The following AP3B1 variants were observed in gnomAD, a reference collection of about 807,000 sequenced individuals.
AP3B1 encodes adaptor related protein complex 3 subunit beta 1.
AP3B1 carries 61 observed loss-of-function variants against 132.5 expected under a neutral mutation model. The observed-to-expected ratio is 0.46, with a 90% confidence interval of 0.37 to 0.57. AP3B1 has a LOEUF of 0.57. AP3B1 is among the 20% of genes least tolerant of loss of function. AP3B1 has a pLI of 0.00. For synonymous variants in AP3B1, 388 were observed against 438.3 expected, an observed-to-expected ratio of 0.89 and a Z score of 1.43; for missense variants, 1,120 against 1,289.4, an observed-to-expected ratio of 0.87 and a Z score of 2.01.
At chr5:78,112,033 T>C (rs1341425313) in intron 19 of AP3B1, among the ~76,000 whole-genome samples, 1 of 152,104 alleles carries the variant, frequency 6.6e-6, no homozygotes. Context: ...AAATTTAAAT[T>C]TGGTCATAAA....
At chr5:78,069,422 T>C (rs575620412) in intron 22 of AP3B1, among the ~76,000 whole-genome samples, 2 of 152,166 alleles carry the variant, frequency 1.3e-5, no homozygotes, top group Non-Finnish European at 2.9e-5. Flanking sequence ...ACAAAATCAA[T>C]GTGCAAGAAT....
Position 78,168,137 on chromosome 5 carries a change from A to G in AP3B1, c.1168-2465T>C, listed in dbSNP as rs141632121. 3.0e-3 allele frequency among the ~76,000 whole-genome samples: 459 copies of G among 151,996 alleles called. 4 individuals are homozygous for G. The highest frequency in any genetic ancestry group is 0.011 in the African/African-American group (438 of 41,472). The stretch of plus-strand genomic sequence containing the variant: ...ACAAATCATTTATTCAGACACATGT[A>G]TTAGAAATATTTTTCCCAGATAATC... On this transcript the variant is annotated intron_variant, in intron 11 of 26. Coordinates refer to ENST00000255194, the MANE Select transcript of AP3B1 (RefSeq NM_003664.5).
At chr5:78,164,386 G>A (rs1449988655) in intron 12 of AP3B1, among the ~76,000 whole-genome samples, 1 of 151,998 alleles carries the variant, frequency 6.6e-6, no homozygotes, top group Non-Finnish European at 1.5e-5. Context: ...AACAGGTCTA[G>A]TATGTGCCCT....
At chr5:78,259,190 G>A (rs1285649597) in intron 2 of AP3B1, among the ~76,000 whole-genome samples, 1 of 151,770 alleles carries the variant, frequency 6.6e-6, no homozygotes, top group Admixed American at 6.6e-5. Context: ...GGAGCTTGCA[G>A]TGAGCTGAGA....
intron 6 of AP3B1, among the ~76,000 whole-genome samples, chr5:78,217,626 T>G (rs936255548): frequency 6.6e-6 from 1 of 152,144 alleles, no homozygotes; most frequent in Non-Finnish European, 1.5e-5. Flanking sequence ...TTTGTGATAA[T>G]TACATTTCTA....
chr5:78,259,047 C>T (rs1413496993), intron 2 of AP3B1, among the ~76,000 whole-genome samples: 3 of 151,936 alleles, frequency 2.0e-5, no homozygotes, highest in African/African-American at 7.3e-5. Flanking sequence ...ACCATCCTGG[C>T]TAACACGGTG....
chr5:78,242,753 G>A (rs1747195310), intron 2 of AP3B1, among the ~76,000 whole-genome samples: 1 of 152,044 alleles, frequency 6.6e-6, no homozygotes, highest in African/African-American at 2.4e-5. Flanking sequence ...AATTTCCTGT[G>A]CACTATTTTA....
intron 21 of AP3B1, among the ~76,000 whole-genome samples, chr5:78,099,037 G>C (rs7711152): frequency 0.035 from 5,330 of 152,234 alleles, 314 homozygotes; most frequent in African/African-American, 0.12. Flanking sequence ...GGTTATAGGG[G>C]TTCTACCCTC....
chr5:78,043,849 T>C (rs909106953), intron 22 of AP3B1: 16 of 364,094 alleles, frequency 4.4e-5, no homozygotes, highest in African/African-American at 3.4e-4. Flanking sequence ...CTGACTTTGG[T>C]AGACACAGGC....
At chr5:78,059,733 T>C (rs1219266173) in intron 22 of AP3B1, among the ~76,000 whole-genome samples, 2 of 152,138 alleles carry the variant, frequency 1.3e-5, no homozygotes, top group African/African-American at 4.8e-5. Context: ...TATCTGTAGT[T>C]GCCAGACAGG....
intron 24 of AP3B1, among the ~76,000 whole-genome samples, chr5:78,030,674 T>C (rs1418011887): frequency 2.6e-5 from 4 of 152,208 alleles, no homozygotes; most frequent in Non-Finnish European, 4.4e-5. Context: ...TTGGGGCACA[T>C]GTTCATTCAT....
intron 3 of AP3B1, among the ~76,000 whole-genome samples, chr5:78,234,687 T>C (rs1746797273): frequency 6.6e-6 from 1 of 152,214 alleles, no homozygotes; most frequent in African/African-American, 2.4e-5. Context: ...ACAACAACCA[T>C]TTCTTATTCA....
chr5:78,131,933 A>G (rs1752705800), intron 15 of AP3B1, among the ~76,000 whole-genome samples: 1 of 152,208 alleles, frequency 6.6e-6, no homozygotes, highest in Non-Finnish European at 1.5e-5. Context: ...ACCAATATAC[A>G]GAAGACTCAA....
intron 2 of AP3B1, among the ~76,000 whole-genome samples, chr5:78,249,233 C>G (rs6859228): frequency 0.56 from 84,563 of 151,348 alleles, 23,847 homozygotes; most frequent in Admixed American, 0.59. Flanking sequence ...GGCTGGGGAG[C>G]GGGGGCACCT....
intron 7 of AP3B1, among the ~76,000 whole-genome samples, chr5:78,191,918 T>C (rs1319745923): frequency 6.6e-6 from 1 of 152,150 alleles, no homozygotes; most frequent in Non-Finnish European, 1.5e-5. Context: ...TGGAGTGCAA[T>C]GGCGCGATCT....
chr5:78,193,770 A>ATATATATATATTTTTTTTTTTTT, intron 7 of AP3B1, among the ~76,000 whole-genome samples: 5 of 67,214 alleles, frequency 7.4e-5, no homozygotes, highest in South Asian at 4.1e-4. Context: ...ATATATATAT[A>ATATATATATATTTTTTTTTTTTT]TTTTTTTTTT....
At chr5:78,150,468 C>T (rs771609349) in intron 14 of AP3B1, among the ~76,000 whole-genome samples, 1 of 152,000 alleles carries the variant, frequency 6.6e-6, no homozygotes, top group Non-Finnish European at 1.5e-5. Context: ...CCAACTGTGA[C>T]GGGGAGGGAG....
At chr5:78,101,952 C>T (rs981782894) in intron 20 of AP3B1, among the ~76,000 whole-genome samples, 1 of 151,986 alleles carries the variant, frequency 6.6e-6, no homozygotes, top group Non-Finnish European at 1.5e-5. Context: ...AAAGTTTCTA[C>T]TAAAATGTTT....
intron 22 of AP3B1, among the ~76,000 whole-genome samples, chr5:78,069,092 T>G (rs77623686): frequency 1.2e-3 from 187 of 152,362 alleles, no homozygotes; most frequent in African/African-American, 4.3e-3. Context: ...AACTAGGTAT[T>G]GATGGAACAT....
Sources: allele counts gnomAD v4.1 joint callset (sites outside exome capture counted in the v4.1 genomes callset), GRCh38; gene constraint gnomAD v4.1.1; transcripts MANE v1.5; gene names NCBI Gene and HGNC (gene_info 2026-07-23, HGNC 2026-07-21).